Variants in TEC observed in about 807,000 individuals in gnomAD.
TEC encodes the protein tec protein tyrosine kinase.
In TEC, 72 loss-of-function variants were observed where a neutral mutation model predicts 93.0. The ratio of observed to expected loss-of-function variants is 0.77; its 90% CI spans 0.64 to 0.94. TEC has a LOEUF of 0.94. TEC is among the 40% of genes least tolerant of loss of function. TEC has a pLI of 0.00. For missense variants in TEC, 630 were observed against 757.9 expected (o/e 0.83, Z 1.98); for synonymous variants, 249 against 247.7 (o/e 1.01, Z -0.05).
chr4:48,239,707 C>A (rs1000611781), intron 1 of TEC, among the ~76,000 whole-genome samples: 1 of 151,862 alleles, frequency 6.6e-6, no homozygotes, highest in Non-Finnish European at 1.5e-5. Flanking sequence ...AATGAAGAGT[C>A]CAAGTCATTA....
intron 4 of TEC, among the ~76,000 whole-genome samples, chr4:48,171,097 C>T (rs532744707): frequency 4.6e-5 from 7 of 152,130 alleles, no homozygotes; most frequent in Admixed American, 1.3e-4. Context: ...TAAAAGCTTG[C>T]GCTTTATCAC....
At chr4:48,236,438 C>A (rs1421121072) in intron 1 of TEC, among the ~76,000 whole-genome samples, 2 of 152,002 alleles carry the variant, frequency 1.3e-5, no homozygotes, top group African/African-American at 4.8e-5. Context: ...CCCGCCACTA[C>A]GCCCGGTTAA....
Position 48,265,614 on chromosome 4 carries a change from G to A in TEC, c.-46+4138C>T, listed in dbSNP as rs548415071. 5.4e-4 allele frequency among the ~76,000 whole-genome samples: 81 copies of A among 151,210 alleles called. 1 individual carries two copies. The highest frequency in any genetic ancestry group is 1.9e-3 in the African/African-American group (77 of 41,150). ...TGCAACCTCCGCTTCCTGGGTTCAA[G>A]CAATTCTCCTGCCTCAGCCTCCTGA... On this transcript the variant is annotated intron_variant, in intron 1 of 17. Transcript: ENST00000381501.
At chr4:48,224,260 C>CA (rs1723363632) in intron 2 of TEC, among the ~76,000 whole-genome samples, 1 of 152,146 alleles carries the variant, frequency 6.6e-6, no homozygotes, top group Non-Finnish European at 1.5e-5. Flanking sequence ...ATCCAAAGTC[C>CA]AATTCTAAAA....
rs1239721322 is a variant in TEC, at chr4:48,167,857, G to C, written c.592C>G (p.Leu198Val). The change falls in exon 7 of 18, where the codon CTC (leucine) becomes GTC (valine). Residue 198 changes from leucine to valine, a missense_variant. Leu to Val is a conservative substitution (Grantham distance 32). This residue lies in a region of TEC where 335 missense variants were observed against 351.5 expected (regional missense o/e 0.95). Transcript: ENST00000381501. ...YDFQAAEGHDLRLERGQEYLI... is the reference protein window; with the variant it reads ...YDFQAAEGHDVRLERGQEYLI... ...TACTCTTGGCCTCTCTCTAATCTGA[G>C]ATCATGTCCTTCTGCTGCTTGGAAA... is the stretch of plus-strand genomic sequence containing the variant. The C allele has an allele frequency of 6.2e-7, 1 of 1,613,700 alleles. No individual in the cohort carries two copies. Among genetic ancestry groups the C allele is most frequent in the African/African-American group, 1.3e-5 (1 of 74,834 alleles).
At chr4:48,244,233 C>T (rs993967437) in intron 1 of TEC, among the ~76,000 whole-genome samples, 7 of 152,172 alleles carry the variant, frequency 4.6e-5, no homozygotes, top group African/African-American at 1.7e-4. Flanking sequence ...AACTAAAACC[C>T]TGTATTACTC....
At chr4:48,145,024 C>T (rs1719844069) in intron 14 of TEC, 55 bp downstream of exon 14, 2 of 1,512,448 alleles carry the variant, frequency 1.3e-6, no homozygotes, top group Non-Finnish European at 1.8e-6. Context: ...ATTTGCTGAG[C>T]CAGTGTTACA....
chr4:48,173,297 T>TC (rs1243098408), intron 3 of TEC, among the ~76,000 whole-genome samples: 2 of 151,768 alleles, frequency 1.3e-5, no homozygotes, highest in African/African-American at 4.8e-5. Context: ...GCTAACCGCC[T>TC]CCCCCCACCA....
intron 2 of TEC, among the ~76,000 whole-genome samples, chr4:48,188,873 A>G (rs903635640): frequency 1.3e-5 from 2 of 151,670 alleles, no homozygotes; most frequent in African/African-American, 4.8e-5. Context: ...GTGTGTGTGC[A>G]TGTGTGTGTG....
chr4:48,142,088 A>G (rs1719696481), intron 14 of TEC, among the ~76,000 whole-genome samples: 2 of 152,246 alleles, frequency 1.3e-5, no homozygotes, highest in South Asian at 4.1e-4. Flanking sequence ...GGTTCTCACT[A>G]GGTGAGCTTA....
intron 2 of TEC, among the ~76,000 whole-genome samples, chr4:48,183,470 A>G: frequency 6.6e-6 from 1 of 152,366 alleles, no homozygotes; most frequent in Middle Eastern, 3.4e-3. Flanking sequence ...CACCTCTGCC[A>G]TCGCAGATGG....
chr4:48,221,266 G>A (rs112802689), intron 2 of TEC, among the ~76,000 whole-genome samples: 37,658 of 152,054 alleles, frequency 0.25, 5,430 homozygotes, highest in Admixed American at 0.33. Context: ...AATCCCCAAC[G>A]TGTTGTGGGA....
chr4:48,247,710 A>G (rs548631610), intron 1 of TEC, among the ~76,000 whole-genome samples: 93 of 152,322 alleles, frequency 6.1e-4, no homozygotes, highest in Non-Finnish European at 1.3e-3. Context: ...ACAGGCTGAA[A>G]GTGGGTTACT....
intron 1 of TEC, among the ~76,000 whole-genome samples, chr4:48,268,440 A>G (rs1724696013): frequency 6.6e-6 from 1 of 152,270 alleles, no homozygotes; most frequent in African/African-American, 2.4e-5. Flanking sequence ...GATCAGATTA[A>G]CTGGAGTATG....
chr4:48,171,727 C>T (rs1721121329), intron 3 of TEC, among the ~76,000 whole-genome samples: 1 of 152,122 alleles, frequency 6.6e-6, no homozygotes, highest in South Asian at 2.1e-4. Context: ...TCTTTCAATC[C>T]AATTAACTAA....
intron 2 of TEC, among the ~76,000 whole-genome samples, chr4:48,188,044 T>C (rs1003705094): frequency 1.3e-5 from 2 of 152,004 alleles, no homozygotes; most frequent in Admixed American, 1.3e-4. Flanking sequence ...AAGGGGGGCA[T>C]GGAAAGAAGT....
At chr4:48,180,179 G>A (rs537505595) in intron 2 of TEC, among the ~76,000 whole-genome samples, 1 of 152,206 alleles carries the variant, frequency 6.6e-6, no homozygotes, top group East Asian at 1.9e-4. Context: ...AAAAGCAATG[G>A]CAAAAGCTGC....
At chr4:48,209,505 C>T (rs568500745) in intron 2 of TEC, among the ~76,000 whole-genome samples, 5 of 151,372 alleles carry the variant, frequency 3.3e-5, no homozygotes, top group South Asian at 2.1e-4. Context: ...CCCAGCTATT[C>T]GGGAGGCTGA....
chr4:48,223,707 A>C (rs935615656), intron 2 of TEC, among the ~76,000 whole-genome samples: 5 of 152,236 alleles, frequency 3.3e-5, no homozygotes, highest in African/African-American at 1.2e-4. Context: ...CCTGTTTACA[A>C]GGCTGATCCT....
Sources: gnomAD v4.1 joint callset for allele counts (sites outside exome capture counted in the v4.1 genomes callset) on GRCh38, gnomAD v4.1.1 for gene constraint, gnomAD v4.1.1 regional missense constraint, MANE v1.5 for transcripts, NCBI Gene and HGNC (gene_info 2026-07-23, HGNC 2026-07-21) for gene names.